Variants in VWF observed in about 807,000 individuals in gnomAD.
The protein encoded by VWF is von Willebrand factor.
A neutral mutation model predicts 308.6 loss-of-function variants in VWF; 176 were observed. That is an observed-to-expected ratio of 0.57 (90% CI 0.50 to 0.65). The LOEUF (loss-of-function observed/expected upper bound fraction) is 0.65. Among genes scored for constraint, VWF ranks in the 30% least tolerant of loss-of-function variants. The pLI is 0.00. For synonymous variants in VWF, 1,385 were observed against 1,443.4 expected (o/e 0.96, Z 0.92); for missense variants, 3,146 against 3,648.2 (o/e 0.86, Z 3.55).
chr12:5,985,417 C>A, intron 39 of VWF, 146 bp downstream of exon 39: 1 of 918,398 alleles, frequency 1.1e-6, no homozygotes, highest in South Asian at 1.5e-5. Flanking sequence ...ATGGGAAATG[C>A]AGGCTGGGCA....
In VWF at chr12:6,104,249, G is replaced by A. The variant is rs75435193; in HGVS notation, c.532+6125C>T. 2.9e-3 allele frequency among the ~76,000 whole-genome samples: 441 copies of A among 152,072 alleles called. 5 individuals are homozygous for A. Among genetic ancestry groups the A allele is most frequent in the East Asian group, 0.026 (136 of 5,178 alleles). ...GATATCATCTTACCCTAGTCACAAC[G>A]GTTATTATTAAAAAGACAGAAAATA... On this transcript the variant is annotated intron_variant, in intron 5 of 51. Coordinates refer to ENST00000261405, the MANE Select transcript of VWF (RefSeq NM_000552.5).
intron 48 of VWF, 117 bp downstream of exon 48, chr12:5,953,379 A>G (rs2136340188): frequency 1.3e-6 from 1 of 747,046 alleles, no homozygotes. Flanking sequence ...TCAGAAAGAA[A>G]TAGAAAAAGA....
At chr12:5,981,213 C>T (rs1943601146) in intron 42 of VWF, among the ~76,000 whole-genome samples, 1 of 151,878 alleles carries the variant, frequency 6.6e-6, no homozygotes, top group Admixed American at 6.6e-5. Flanking sequence ...AAACTGACAG[C>T]AATAAATAAA....
At chr12:5,987,141 G>A (rs1943688680) in intron 38 of VWF, among the ~76,000 whole-genome samples, 1 of 151,984 alleles carries the variant, frequency 6.6e-6, no homozygotes, top group South Asian at 2.1e-4. Flanking sequence ...TGGCCAGGCT[G>A]GGTCTCGAAT....
At position 6,029,373 on chromosome 12, in the gene VWF, C is replaced by G. The variant is rs267607312; in HGVS notation, c.2936G>C (p.Ser979Thr). 1.9e-6 allele frequency: 3 copies of G among 1,614,192 alleles called. No individual in the cohort carries two copies. The Admixed American group carries it at 5.0e-5, about 27-fold the overall frequency. Residue 979 changes from serine (S) to threonine (T), a missense_variant, in exon 22 of 52, where the codon AGC becomes ACC. Ser to Thr is a moderately conservative substitution (Grantham distance 58). Around this residue, in one of 3 missense-constraint regions of VWF, gnomAD observed 1,304 missense variants for 1,353.0 expected, o/e 0.96. Transcript: ENST00000261405. ...TGTCTGCTTCAGGACCACGGAGATG[C>G]TCAGGTGGCGGTCCCAGACCACGGA... ...ALSVVWDRHL[S>T]ISVVLKQTYQ...
intron 42 of VWF, among the ~76,000 whole-genome samples, chr12:5,978,216 C>G (rs1480371349): frequency 6.6e-6 from 1 of 151,158 alleles, no homozygotes; most frequent in Non-Finnish European, 1.5e-5. Context: ...AAATATCCCC[C>G]AATGAGGTTT....
chr12:5,989,569 T>C (rs889498154), intron 38 of VWF, among the ~76,000 whole-genome samples: 3 of 152,248 alleles, frequency 2.0e-5, no homozygotes, highest in African/African-American at 7.2e-5. Flanking sequence ...TTTTAAAATA[T>C]ATTTATAAGA....
intron 16 of VWF, among the ~76,000 whole-genome samples, chr12:6,050,739 C>T (rs1591885016): frequency 6.6e-6 from 1 of 152,164 alleles, no homozygotes; most frequent in East Asian, 1.9e-4. Context: ...GCGGGCAGAT[C>T]ATTTGAGGTC....
chr12:6,052,054 AG>A, intron 16 of VWF, among the ~76,000 whole-genome samples: 1 of 152,244 alleles, frequency 6.6e-6, no homozygotes, highest in Non-Finnish European at 1.5e-5. Context: ...CAGAAGGCCT[AG>A]GCAAAGAGCT....
intron 34 of VWF, among the ~76,000 whole-genome samples, chr12:6,003,548 A>G (rs1379986320): frequency 6.6e-6 from 1 of 152,142 alleles, no homozygotes; most frequent in Admixed American, 6.5e-5. Flanking sequence ...AAAGGATGAC[A>G]ACATGGATGA....
At chr12:5,998,448 A>T (rs1332065949) in intron 34 of VWF, among the ~76,000 whole-genome samples, 1 of 118,984 alleles carries the variant, frequency 8.4e-6, no homozygotes, top group Non-Finnish European at 1.6e-5. Flanking sequence ...CAGTGAGCCG[A>T]GATTCCGAGA....
At chr12:6,062,479 G>C (rs907573700) in intron 13 of VWF, among the ~76,000 whole-genome samples, 3 of 152,122 alleles carry the variant, frequency 2.0e-5, no homozygotes, top group Non-Finnish European at 4.4e-5. Flanking sequence ...GGACCACCAA[G>C]AACAAGAGGA....
At chr12:5,991,183 A>T (rs1165923791) in intron 38 of VWF, among the ~76,000 whole-genome samples, 1 of 133,866 alleles carries the variant, frequency 7.5e-6, no homozygotes, top group African/African-American at 2.6e-5. Context: ...ACACACACAC[A>T]CACACACACA....
Position 5,969,343 on chromosome 12 carries a change from A to G in VWF, c.7597T>C (p.Cys2533Arg). 1 of 1,614,162 alleles carries G rather than the reference A, an allele frequency of 6.2e-7. No homozygotes were observed. Among genetic ancestry groups the G allele is most frequent in the Non-Finnish European group, 8.5e-7 (1 of 1,180,034 alleles). Residue 2533 changes from cysteine to arginine, a missense_variant, in exon 45 of 52, where the codon TGT (cysteine) becomes CGT (arginine). Cys to Arg is a radical substitution (Grantham distance 180). Transcript: ENST00000261405. Reference sequence around the variant, plus strand: ...AAGACCTCCTCCTTCACTCGGACACACTCATTGATGAGGCAGGGGTTCTCC... The same window carrying G: ...AAGACCTCCTCCTTCACTCGGACACGCTCATTGATGAGGCAGGGGTTCTCC... ...SPENPCLINE[C>R]VRVKEEVFIQ...
chr12:6,058,027 G>A lies in VWF; in HGVS notation c.1551C>T (p.Ala517=), dbSNP rs142956629. 7.4e-6 allele frequency: 12 copies of A among 1,613,084 alleles called. No homozygotes were observed. The Admixed American group carries it at 1.0e-4, about 13-fold the overall frequency. ...TCCCACACAGGCCGCAGGTCTTCCC[G>A]GCATAGACGGGGGACAGCTGCAGGA... ...RLLVKLSPVY[A]GKTCGLCGNY... is the part of the protein sequence containing the mutation. The change falls in exon 14 of 52, where the codon GCC becomes GCT. Residue 517 remains alanine, a synonymous_variant. Coordinates refer to ENST00000261405, the MANE Select transcript of VWF (RefSeq NM_000552.5). The surrounding 1 kb of genome is among the most constrained non-coding windows in gnomAD (Gnocchi z 4.9).
At position 6,046,336 on chromosome 12, in the gene VWF, T is replaced by TA. The variant is rs1418173207; in HGVS notation, c.2281+386_2281+387insT. ...GAAGCTTTCTCAAGGAAGAGCTGTCTTCATCAGCATGTCCATAGGAAACAA... is the reference window on the plus strand; with the variant it reads ...GAAGCTTTCTCAAGGAAGAGCTGTCTATCATCAGCATGTCCATAGGAAACAA... On this transcript the variant is annotated intron_variant, in intron 17 of 51. Transcript: ENST00000261405. The surrounding 1 kb of genome is among the most constrained non-coding windows in gnomAD (Gnocchi z 5.0). Among the ~76,000 whole-genome samples, 2 of 152,222 alleles carry TA rather than the reference T, an allele frequency of 1.3e-5. No homozygotes were observed. The highest frequency in any genetic ancestry group is 4.8e-5 in the African/African-American group (2 of 41,466).
chr12:6,117,858 C>T (rs1945385578), intron 3 of VWF, among the ~76,000 whole-genome samples: 1 of 152,316 alleles, frequency 6.6e-6, no homozygotes, highest in African/African-American at 2.4e-5. Context: ...GACAGCACAA[C>T]TGCCCTCGGA....
In VWF at chr12:5,972,010, C is replaced by T. The variant is rs143893167; in HGVS notation, c.7438-301G>A. Among the ~76,000 whole-genome samples, 865 of 152,322 alleles carry T rather than the reference C, an allele frequency of 5.7e-3. 15 individuals are homozygous for T. The highest frequency in any genetic ancestry group is 0.02 in the African/African-American group (821 of 41,576). ...AGACAGCCCAGAGTTCCCTTAGCAG[C>T]AGCTTACTAATCTGGCCCTTATCAT... On this transcript the variant is annotated intron_variant, in intron 43 of 51. Transcript: ENST00000261405.
At chr12:6,123,109 A>T in intron 2 of VWF, 33 bp downstream of exon 2, 1 of 1,613,890 alleles carries the variant, frequency 6.2e-7, no homozygotes, top group Non-Finnish European at 8.5e-7. Context: ...GCCCTGGGGC[A>T]GGAATGAGAA....
Sources: allele counts gnomAD v4.1 joint callset (sites outside exome capture counted in the v4.1 genomes callset), GRCh38; gene constraint gnomAD v4.1.1; regional missense constraint gnomAD v4.1.1; non-coding constraint Gnocchi (gnomAD v3.1); transcripts MANE v1.5; gene names NCBI Gene and HGNC (gene_info 2026-07-23, HGNC 2026-07-21).